L3MBTL4: variants seen among roughly 807,000 people sequenced by gnomAD.
L3MBTL4 encodes lethal(3)malignant brain tumor-like protein 4.
Under a neutral mutation model 84.5 loss-of-function variants are expected in L3MBTL4, and 70 were observed. The observed-to-expected ratio is 0.83, with a 90% confidence interval of 0.68 to 1.01. The LOEUF is 1.01. Ranked by LOEUF, L3MBTL4 falls within the 50% of genes least tolerant of loss-of-function variation. L3MBTL4 has a pLI of 0.00. For synonymous variants in L3MBTL4, 274 were observed against 259.8 expected (o/e 1.05, Z -0.52); for missense variants, 715 against 754.8 (o/e 0.95, Z 0.62).
intron 16 of L3MBTL4, among the ~76,000 whole-genome samples, chr18:6,058,442 T>C (rs567383608): frequency 1.7e-4 from 26 of 152,248 alleles, no homozygotes; most frequent in African/African-American, 6.0e-4. Flanking sequence ...CAGGCCTGTC[T>C]CCCCAAGGAG....
intron 5 of L3MBTL4, among the ~76,000 whole-genome samples, chr18:6,250,629 G>A (rs553041745): frequency 2.0e-5 from 3 of 152,164 alleles, no homozygotes; most frequent in Admixed American, 6.5e-5. Context: ...ATTCAGCATT[G>A]AGAGAGGTGG....
At chr18:6,386,268 G>T (rs147686262) in intron 1 of L3MBTL4, among the ~76,000 whole-genome samples, 51 of 152,296 alleles carry the variant, frequency 3.3e-4, no homozygotes, top group African/African-American at 1.2e-3. Context: ...TGAGCAAAAG[G>T]CATGACAGGG....
chr18:6,012,511 C>A (rs1389135854), intron 16 of L3MBTL4, among the ~76,000 whole-genome samples: 1 of 152,214 alleles, frequency 6.6e-6, no homozygotes, highest in African/African-American at 2.4e-5. Context: ...ATGGCATGCC[C>A]TGGCATTTTC....
intron 1 of L3MBTL4, among the ~76,000 whole-genome samples, chr18:6,325,036 C>T (rs952424797): frequency 3.3e-5 from 5 of 152,046 alleles, no homozygotes; most frequent in Admixed American, 6.6e-5. Flanking sequence ...GGAGCAATGA[C>T]AACTCTCATA....
rs1288841958 is a variant in L3MBTL4 at position 6,125,817 on chromosome 18, C to A, written c.1199+12377G>T. On this transcript the variant is annotated intron_variant, in intron 14 of 18. Coordinates refer to ENST00000317931, the MANE Select transcript of L3MBTL4 (RefSeq NM_001330559.2). ...AAGCTAAAAATAATAGAACAGACAA[C>A]TAATTTTTGAACATTCACATGCACA... 2.6e-5 allele frequency among the ~76,000 whole-genome samples: 4 copies of A among 152,288 alleles called. No homozygotes were observed. In the East Asian group the frequency reaches 7.7e-4, roughly 29 times the overall value.
chr18:6,236,239 T>C (rs2047210521), intron 10 of L3MBTL4, among the ~76,000 whole-genome samples: 2 of 152,190 alleles, frequency 1.3e-5, no homozygotes, highest in African/African-American at 4.8e-5. Flanking sequence ...AAATTGGACA[T>C]ACGAACCAAT....
chr18:6,295,417 A>G (rs1568451056), intron 4 of L3MBTL4, among the ~76,000 whole-genome samples: 1 of 149,770 alleles, frequency 6.7e-6, no homozygotes, highest in East Asian at 2.0e-4. Context: ...TGTGCTTTAT[A>G]CAATTTAATT....
intron 1 of L3MBTL4, among the ~76,000 whole-genome samples, chr18:6,345,474 T>A (rs2143632375): frequency 6.6e-6 from 1 of 151,960 alleles, no homozygotes; most frequent in East Asian, 1.9e-4. Flanking sequence ...TTTTAAAAAT[T>A]CGGTAAATTT....
At chr18:6,088,656 A>C (rs905377360) in intron 15 of L3MBTL4, among the ~76,000 whole-genome samples, 1 of 152,170 alleles carries the variant, frequency 6.6e-6, no homozygotes, top group African/African-American at 2.4e-5. Flanking sequence ...GAAGTGAGAA[A>C]AAGGCTGGTG....
At chr18:6,223,675 A>G (rs970404067) in intron 10 of L3MBTL4, among the ~76,000 whole-genome samples, 1 of 152,168 alleles carries the variant, frequency 6.6e-6, no homozygotes, top group Admixed American at 6.5e-5. Flanking sequence ...CTAGACTCCT[A>G]TGTAGCTACA....
chr18:6,010,953 A>G (rs2054706913), intron 16 of L3MBTL4, among the ~76,000 whole-genome samples: 1 of 152,202 alleles, frequency 6.6e-6, no homozygotes, highest in South Asian at 2.1e-4. Flanking sequence ...ATTCAGTGAC[A>G]CCTTCCAAAA....
At chr18:6,234,539 T>G (rs1057364782) in intron 10 of L3MBTL4, among the ~76,000 whole-genome samples, 2 of 152,116 alleles carry the variant, frequency 1.3e-5, no homozygotes, top group African/African-American at 2.4e-5. Flanking sequence ...AAGAAGATAT[T>G]TATGCAGCCA....
chr18:5,986,187 G>A (rs2053458230), intron 16 of L3MBTL4, among the ~76,000 whole-genome samples: 1 of 152,222 alleles, frequency 6.6e-6, no homozygotes, highest in Non-Finnish European at 1.5e-5. Flanking sequence ...AAGTGAGCAT[G>A]TATGAATGAG....
At chr18:6,344,740 AT>A (rs2052790466) in intron 1 of L3MBTL4, among the ~76,000 whole-genome samples, 1 of 152,204 alleles carries the variant, frequency 6.6e-6, no homozygotes. Context: ...ATCAAAATCA[AT>A]AAATGTCATA....
At chr18:6,401,354 A>G (rs1443746156) in intron 1 of L3MBTL4, among the ~76,000 whole-genome samples, 1 of 152,154 alleles carries the variant, frequency 6.6e-6, no homozygotes, top group Non-Finnish European at 1.5e-5. Context: ...CTGAATTTTG[A>G]CTAGATGTCA....
intron 12 of L3MBTL4, among the ~76,000 whole-genome samples, chr18:6,183,290 T>C (rs1280253178): frequency 3.3e-5 from 5 of 152,166 alleles, no homozygotes; most frequent in African/African-American, 1.2e-4. Context: ...AGACAAATGA[T>C]CTCCAAATCA....
chr18:6,295,790 T>C (rs1267470613), intron 4 of L3MBTL4, among the ~76,000 whole-genome samples: 1 of 152,064 alleles, frequency 6.6e-6, no homozygotes, highest in Non-Finnish European at 1.5e-5. Flanking sequence ...GTAGCTGATA[T>C]GGTTTGAATC....
intron 16 of L3MBTL4, among the ~76,000 whole-genome samples, chr18:6,050,788 A>G (rs1340743085): frequency 6.6e-6 from 1 of 152,126 alleles, no homozygotes; most frequent in South Asian, 2.1e-4. Flanking sequence ...AAGGGGGGGA[A>G]TTTTTTATTC....
intron 13 of L3MBTL4, among the ~76,000 whole-genome samples, chr18:6,139,726 G>A (rs527776791): frequency 1.2e-4 from 18 of 151,990 alleles, no homozygotes; most frequent in African/African-American, 4.1e-4. Context: ...GGTTTCATGG[G>A]GCTGAAGACA....
Sources: gnomAD v4.1 joint callset for allele counts (sites outside exome capture counted in the v4.1 genomes callset) on GRCh38, gnomAD v4.1.1 for gene constraint, MANE v1.5 for transcripts, NCBI Gene and HGNC (gene_info 2026-07-23, HGNC 2026-07-21) for gene names.